GRHL2: variants seen among roughly 807,000 people sequenced by gnomAD.
GRHL2 encodes grainyhead like transcription factor 2.
Under a neutral mutation model 83.8 loss-of-function variants are expected in GRHL2, and 21 were observed. The ratio of observed to expected loss-of-function variants is 0.25; its 90% CI spans 0.18 to 0.36. The LOEUF (loss-of-function observed/expected upper bound fraction) is 0.36. GRHL2 is among the 10% of genes least tolerant of loss of function. The probability of loss-of-function intolerance (pLI) is 1.00; values close to 1 mark genes in which losing one functional copy is unlikely to be tolerated. For synonymous variants in GRHL2, 280 were observed against 278.9 expected, an observed-to-expected ratio of 1.00 and a Z score of -0.04; for missense variants, 623 against 781.8, an observed-to-expected ratio of 0.80 and a Z score of 2.42.
intron 1 of GRHL2, chr8:101,528,761 A>C (rs1810859533): frequency 3.4e-6 from 1 of 295,098 alleles, no homozygotes; most frequent in African/African-American, 2.3e-5. Flanking sequence ...ATCCCAAATC[A>C]GTCCTTCCTC....
At chr8:101,554,124 G>A (rs978573537) in intron 3 of GRHL2, among the ~76,000 whole-genome samples, 2 of 152,130 alleles carry the variant, frequency 1.3e-5, no homozygotes, top group African/African-American at 4.8e-5. Flanking sequence ...TTAGCAGCAG[G>A]GGCCTCTCCA....
chr8:101,674,539 C>T (rs867166601), downstream of GRHL2, among the ~76,000 whole-genome samples: 1 of 152,172 alleles, frequency 6.6e-6, no homozygotes, highest in Admixed American at 6.5e-5. Context: ...AGACCAATAA[C>T]AGGCTCTGAA....
intron 14 of GRHL2, among the ~76,000 whole-genome samples, chr8:101,657,363 A>G (rs890058339): frequency 5.9e-5 from 9 of 152,198 alleles, no homozygotes; most frequent in African/African-American, 2.2e-4. Context: ...AGAACTTTCC[A>G]CAAAATAAGT....
chr8:101,563,947 T>A (rs1376712940), intron 4 of GRHL2, among the ~76,000 whole-genome samples: 2 of 152,080 alleles, frequency 1.3e-5, no homozygotes, highest in African/African-American at 4.8e-5. Context: ...CACAGAAGAG[T>A]GTATGGATGT....
At chr8:101,632,118 G>A in intron 10 of GRHL2, 108 bp from the exon 11 acceptor site, 1 of 1,175,660 alleles carries the variant, frequency 8.5e-7, no homozygotes, top group South Asian at 1.2e-5. Context: ...CACATCTATG[G>A]TATTCAGAAA....
chr8:101,671,522 C>A (rs1294334810), downstream of GRHL2, among the ~76,000 whole-genome samples: 1 of 152,202 alleles, frequency 6.6e-6, no homozygotes, highest in East Asian at 1.9e-4. Context: ...ATTAGGCAAA[C>A]AAAGCAGCTG....
At position 101,597,286 on chromosome 8, in the gene GRHL2, T is replaced by C. The variant is rs1462160481; in HGVS notation, c.1004-1771T>C. Among the ~76,000 whole-genome samples, 3 of 152,122 alleles carry C rather than the reference T, an allele frequency of 2.0e-5. No homozygotes were observed. The East Asian group carries it at 5.8e-4, about 29-fold the overall frequency. ...AGCAGAGACCACTGAAGGGTCCATC[T>C]CTGGGATGGGAGATAAGTAAACTGT... On this transcript the variant is annotated intron_variant, in intron 7 of 15. Coordinates refer to ENST00000646743, the MANE Select transcript of GRHL2 (RefSeq NM_024915.4).
chr8:101,588,749 G>A (rs930079205), intron 7 of GRHL2, among the ~76,000 whole-genome samples: 1 of 152,204 alleles, frequency 6.6e-6, no homozygotes, highest in Non-Finnish European at 1.5e-5. Context: ...TATTCAGTCT[G>A]CAACTCTGAA....
At chr8:101,499,779 TTA>T (rs1307235347) in intron 1 of GRHL2, among the ~76,000 whole-genome samples, 1 of 152,074 alleles carries the variant, frequency 6.6e-6, no homozygotes, top group Non-Finnish European at 1.5e-5. Flanking sequence ...TCTTGTTCAA[TTA>T]TAAAAACTAG....
At chr8:101,502,740 C>T (rs571931505) in intron 1 of GRHL2, among the ~76,000 whole-genome samples, 2 of 152,034 alleles carry the variant, frequency 1.3e-5, no homozygotes, top group African/African-American at 4.8e-5. Flanking sequence ...CCTCCTCCTC[C>T]TCCTCCTCCT....
At chr8:101,634,306 T>A (rs941920532) in intron 11 of GRHL2, among the ~76,000 whole-genome samples, 1 of 152,118 alleles carries the variant, frequency 6.6e-6, no homozygotes, top group Non-Finnish European at 1.5e-5. Context: ...CCTGTGACTA[T>A]CCTGTGGTTG....
rs139973099 is a variant in GRHL2 at position 101,648,875 on chromosome 8, C to T, written c.1613-539C>T. Among the ~76,000 whole-genome samples the T allele has an allele frequency of 4.3e-3, 649 of 152,316 alleles. 1 individual carries two copies. The highest frequency in any genetic ancestry group is 0.027 in the Middle Eastern group (8 of 294). On this transcript the variant is annotated intron_variant, in intron 13 of 15. Coordinates refer to ENST00000646743, the MANE Select transcript of GRHL2 (RefSeq NM_024915.4). ...AACTTCCCCCAACCCCTCCAGGTCA[C>T]GGCCAGGCCCCTATAAGCACTGTTT... is the stretch of plus-strand genomic sequence containing the variant.
rs918291349 is a variant in GRHL2, at chr8:101,508,555, C to T, written c.20+15766C>T. On this transcript the variant is annotated intron_variant, in intron 1 of 15. Transcript: ENST00000646743. ...TTAGCAGAGTGTGGAGCCATGATCTCTTCTCTCAGTACGTCATTGGGTCTG... is the reference window on the plus strand; with the variant it reads ...TTAGCAGAGTGTGGAGCCATGATCTTTTCTCTCAGTACGTCATTGGGTCTG... Among the ~76,000 whole-genome samples the T allele has an allele frequency of 5.9e-5, 9 of 152,102 alleles. 1 individual carries two copies. Among genetic ancestry groups the T allele is most frequent in the African/African-American group, 9.7e-5 (4 of 41,414 alleles).
At chr8:101,502,079 C>CT (rs950074264) in intron 1 of GRHL2, among the ~76,000 whole-genome samples, 40 of 152,226 alleles carry the variant, frequency 2.6e-4, no homozygotes, top group African/African-American at 9.6e-4. Flanking sequence ...AAATAACTGC[C>CT]TTCTGTACTT....
At chr8:101,531,004 G>A (rs530519241) in intron 1 of GRHL2, among the ~76,000 whole-genome samples, 4 of 152,156 alleles carry the variant, frequency 2.6e-5, no homozygotes, top group Non-Finnish European at 5.9e-5. Context: ...GCTGAAGCAG[G>A]TGGATCACTT....
chr8:101,518,145 C>T (rs1296368846), intron 1 of GRHL2, among the ~76,000 whole-genome samples: 1 of 152,240 alleles, frequency 6.6e-6, no homozygotes, highest in Non-Finnish European at 1.5e-5. Context: ...ATATCACATA[C>T]TTCCCTGCCT....
intron 1 of GRHL2, among the ~76,000 whole-genome samples, chr8:101,527,730 A>G: frequency 6.6e-6 from 1 of 152,178 alleles, no homozygotes; most frequent in East Asian, 1.9e-4. Context: ...TAAAGTTTTC[A>G]AAAGGGATAT....
intron 14 of GRHL2, among the ~76,000 whole-genome samples, chr8:101,658,061 T>A (rs1813837353): frequency 6.6e-6 from 1 of 152,194 alleles, no homozygotes. Context: ...CTGGTCTCAC[T>A]TTCCAGGGTT....
intron 7 of GRHL2, among the ~76,000 whole-genome samples, chr8:101,595,656 T>C (rs532233347): frequency 1.6e-3 from 242 of 152,344 alleles, no homozygotes; most frequent in African/African-American, 5.7e-3. Context: ...TATAGTCGTA[T>C]AACCTTATTC....
Sources: gnomAD v4.1 joint callset for allele counts (sites outside exome capture counted in the v4.1 genomes callset) on GRCh38, gnomAD v4.1.1 for gene constraint, MANE v1.5 for transcripts, NCBI Gene and HGNC (gene_info 2026-07-23, HGNC 2026-07-21) for gene names.